DOCK8: variants seen among roughly 807,000 people sequenced by gnomAD.
The protein encoded by DOCK8 is dedicator of cytokinesis 8, also known as dedicator of cytokinesis protein 8.
Under a neutral mutation model 245.6 loss-of-function variants are expected in DOCK8, and 141 were observed. The ratio of observed to expected loss-of-function variants is 0.57; its 90% CI spans 0.50 to 0.66. DOCK8 has a LOEUF of 0.66. Among genes scored for constraint, DOCK8 ranks in the 30% least tolerant of loss-of-function variants. The pLI is 0.00. For synonymous variants in DOCK8, 1,168 were observed against 970.2 expected, an observed-to-expected ratio of 1.20 and a Z score of -3.79; for missense variants, 2,965 against 2,603.4, an observed-to-expected ratio of 1.14 and a Z score of -3.02.
intron 14 of DOCK8, among the ~76,000 whole-genome samples, chr9:343,231 G>GCT (rs1325416687): frequency 1.3e-5 from 2 of 152,244 alleles, no homozygotes; most frequent in East Asian, 3.9e-4. Context: ...CAGACACAGT[G>GCT]GCTCACACTG....
intron 14 of DOCK8, among the ~76,000 whole-genome samples, chr9:344,967 G>A (rs923758209): frequency 1.3e-4 from 20 of 152,022 alleles, no homozygotes; most frequent in African/African-American, 4.1e-4. Flanking sequence ...CGGGAGAATC[G>A]CTTGAACCCA....
In DOCK8 at chr9:332,737, A is replaced by G. The variant is rs1425508864; in HGVS notation, c.1125+259A>G. Among the ~76,000 whole-genome samples the G allele has an allele frequency of 3.5e-5, 5 of 142,774 alleles. No homozygotes were observed. The South Asian group carries it at 8.7e-4, about 25-fold the overall frequency. The allele number at this position is 142,774 out of a possible 152,430, so 93.7% of individuals were successfully genotyped here. A position where few individuals can be genotyped will look rare whatever the true frequency, so the allele number is the denominator to read the frequency against. On this transcript the variant is annotated intron_variant, in intron 10 of 47. Coordinates refer to ENST00000432829, the MANE Select transcript of DOCK8 (RefSeq NM_203447.4). ...CTGGAGTGCAATCACGGCCCCCTAC[A>G]ACCTTGAACTCCTGGGCTTGAATGA...
upstream of DOCK8, among the ~76,000 whole-genome samples, chr9:212,583 G>C (rs2046637468): frequency 6.6e-6 from 1 of 152,220 alleles, no homozygotes; most frequent in Non-Finnish European, 1.5e-5. Context: ...ACAGGCATTT[G>C]ACTAAATTAA....
At position 238,517 on chromosome 9, in the gene DOCK8, A is replaced by G. The variant is rs545098155; in HGVS notation, c.53+23488A>G. Reference sequence around the variant, plus strand: ...GAGAAATGTTAAAACAACAGGCACCATAATAATGTAAAGTAGGATTTCAGC... The same window carrying G: ...GAGAAATGTTAAAACAACAGGCACCGTAATAATGTAAAGTAGGATTTCAGC... On this transcript the variant is annotated intron_variant, in intron 1 of 47. Coordinates refer to ENST00000432829, the MANE Select transcript of DOCK8 (RefSeq NM_203447.4). Among the ~76,000 whole-genome samples, 4 of 152,352 alleles carry G rather than the reference A, an allele frequency of 2.6e-5. No individual in the cohort carries two copies. The South Asian group carries it at 8.3e-4, about 32-fold the overall frequency.
chr9:429,965 T>G, intron 36 of DOCK8, 111 bp downstream of exon 36: 2 of 1,340,894 alleles, frequency 1.5e-6, no homozygotes, highest in Non-Finnish European at 2.1e-6. Context: ...TTTACTTCTG[T>G]CCTGTGAGAA....
rs143230084 is a variant in DOCK8 at position 304,444 on chromosome 9, G to A, written c.405-137G>A. The A allele has an allele frequency of 2.1e-3, 2,396 of 1,142,044 alleles. 43 individuals carry two copies. The African/African-American group carries it at 0.032, about 15-fold the overall frequency. The allele number at this position is 1,142,044 out of a possible 1,614,324, so 70.7% of individuals were successfully genotyped here. ...GGCCTGGAGAATAATTAAATGTGAGGAATTATAATTGGTTCCCTCTTTGAA... is the reference window on the plus strand; with the variant it reads ...GGCCTGGAGAATAATTAAATGTGAGAAATTATAATTGGTTCCCTCTTTGAA... On this transcript the variant is annotated intron_variant, in intron 4 of 47. Transcript: ENST00000432829.
chr9:221,280 C>A (rs2046876663), intron 1 of DOCK8, among the ~76,000 whole-genome samples: 2 of 152,106 alleles, frequency 1.3e-5, no homozygotes, highest in South Asian at 4.1e-4. Flanking sequence ...GCTGTCTATT[C>A]TCATGTTCAT....
intron 36 of DOCK8, among the ~76,000 whole-genome samples, chr9:431,907 A>G (rs554094777): frequency 9.8e-5 from 15 of 152,344 alleles, no homozygotes; most frequent in African/African-American, 3.6e-4. Flanking sequence ...TTGCAGCACA[A>G]AGGCAGCCCA....
intron 4 of DOCK8, among the ~76,000 whole-genome samples, chr9:290,652 C>T (rs1378205717): frequency 2.6e-5 from 4 of 152,200 alleles, no homozygotes; most frequent in African/African-American, 4.8e-5. Context: ...TTGAAATTCT[C>T]AGCCTGCATG....
intron 22 of DOCK8, among the ~76,000 whole-genome samples, chr9:383,216 A>G (rs1385056008): frequency 5.3e-5 from 8 of 151,994 alleles, no homozygotes; most frequent in African/African-American, 1.9e-4. Context: ...CCTGGCCAAC[A>G]TGGTGAAACC....
At chr9:392,790 A>C (rs1271496842) in intron 24 of DOCK8, among the ~76,000 whole-genome samples, 1 of 152,084 alleles carries the variant, frequency 6.6e-6, no homozygotes, top group Non-Finnish European at 1.5e-5. Context: ...CATAAGACCC[A>C]TTCCCCTCTT....
intron 9 of DOCK8, among the ~76,000 whole-genome samples, chr9:329,573 A>G (rs2050915486): frequency 1.3e-5 from 2 of 152,206 alleles, no homozygotes; most frequent in Non-Finnish European, 2.9e-5. Flanking sequence ...ATTGTTGTCA[A>G]ACTTCAATGT....
At chr9:331,265 T>C (rs112250459) in intron 9 of DOCK8, among the ~76,000 whole-genome samples, 59 of 152,274 alleles carry the variant, frequency 3.9e-4, no homozygotes, top group African/African-American at 1.3e-3. Flanking sequence ...CTAGCTCAAG[T>C]GTTACGTGCT....
chr9:229,198 C>G (rs1409136915), intron 1 of DOCK8, among the ~76,000 whole-genome samples: 3 of 152,084 alleles, frequency 2.0e-5, no homozygotes, highest in Non-Finnish European at 4.4e-5. Context: ...AACCACAGCA[C>G]CCAACCAAAA....
chr9:328,860 G>C lies in DOCK8; in HGVS notation c.1044+689G>C, dbSNP rs10970586. ...TGTAAGAAAACCAGATCCTTTCTCT[G>C]TACACCAAAATGACTGGTTAGAAAT... On this transcript the variant is annotated intron_variant, in intron 9 of 47. Coordinates refer to ENST00000432829, the MANE Select transcript of DOCK8 (RefSeq NM_203447.4). Among the ~76,000 whole-genome samples the C allele has an allele frequency of 3.8e-3, 559 of 147,962 alleles. 4 individuals are homozygous for C. Among genetic ancestry groups the C allele is most frequent in the African/African-American group, 0.014 (546 of 40,092 alleles).
intron 11 of DOCK8, among the ~76,000 whole-genome samples, chr9:335,589 T>G (rs2051271410): frequency 6.6e-6 from 1 of 152,158 alleles, no homozygotes; most frequent in Non-Finnish European, 1.5e-5. Context: ...CTGCCACAGC[T>G]TTCTTTAATG....
In DOCK8 at chr9:371,319, G is replaced by A. The variant is rs183189913; in HGVS notation, c.1869-109G>A. On this transcript the variant is annotated intron_variant, in intron 16 of 47. Transcript: ENST00000432829. ...AGAGCAGAGTAATGTAAAATGAAAA[G>A]CAAAACACCAGGCAAATTCTGAGGA... 4 of 1,364,958 alleles carry A rather than the reference G, an allele frequency of 2.9e-6. No homozygotes were observed. The South Asian group carries it at 3.6e-5, about 12-fold the overall frequency. The allele number at this position is 1,364,958 out of a possible 1,614,324, so 84.6% of individuals were successfully genotyped here. A position where few individuals can be genotyped will look rare whatever the true frequency, so the allele number is the denominator to read the frequency against.
Position 350,488 on chromosome 9 carries a change from A to G in DOCK8, c.1679+10167A>G, listed in dbSNP as rs948771455. ...GATTCTGCCAATGTACGTGCCGTCCAGGACACGTTCATGCCACTTTAATTT... is the reference window on the plus strand; with the variant it reads ...GATTCTGCCAATGTACGTGCCGTCCGGGACACGTTCATGCCACTTTAATTT... On this transcript the variant is annotated intron_variant, in intron 14 of 47. Transcript: ENST00000432829. Among the ~76,000 whole-genome samples the G allele has an allele frequency of 6.4e-4, 98 of 152,210 alleles. 1 individual carries two copies. The highest frequency in any genetic ancestry group is 2.2e-4 in the Non-Finnish European group (15 of 68,038).
At chr9:332,573 A>C in intron 10 of DOCK8, 95 bp downstream of exon 10, 1 of 829,042 alleles carries the variant, frequency 1.2e-6, no homozygotes. Flanking sequence ...TTTAGTCCCT[A>C]ATGTGTCCCT....
Sources: gnomAD v4.1 joint callset for allele counts (sites outside exome capture counted in the v4.1 genomes callset) on GRCh38, gnomAD v4.1.1 for gene constraint, MANE v1.5 for transcripts, NCBI Gene and HGNC (gene_info 2026-07-23, HGNC 2026-07-21) for gene names.